LIMS1: variants seen among roughly 807,000 people sequenced by gnomAD.
LIMS1 encodes LIM and senescent cell antigen-like-containing domain protein 1.
LIMS1 carries 18 observed loss-of-function variants against 44.1 expected under a neutral mutation model. That is an observed-to-expected ratio of 0.41 (90% confidence interval 0.28 to 0.61). The LOEUF is 0.61. Among genes scored for constraint, LIMS1 ranks in the 20% least tolerant of loss-of-function variants. The probability of loss-of-function intolerance (pLI) is 0.32; values close to 1 mark genes in which losing one functional copy is unlikely to be tolerated. For missense variants in LIMS1, 201 were observed against 422.0 expected, an observed-to-expected ratio of 0.48 and a Z score of 4.59; for synonymous variants, 93 against 149.1, an observed-to-expected ratio of 0.62 and a Z score of 2.74.
chr2:108,543,459 C>T lies in LIMS1; in HGVS notation c.32+8865C>T, dbSNP rs1473590233. Among the ~76,000 whole-genome samples, 4 of 152,250 alleles carry T rather than the reference C, an allele frequency of 2.6e-5. No homozygotes were observed. The East Asian group carries it at 7.7e-4, about 29-fold the overall frequency. On this transcript the variant is annotated intron_variant, in intron 1 of 9. Transcript: ENST00000544547. Reference sequence around the variant, plus strand: ...TAACAGAAACCTACCAAGAGTTTTGCCTAGGCCTTTCCTGGGCCTTAAAGC... The same window carrying T: ...TAACAGAAACCTACCAAGAGTTTTGTCTAGGCCTTTCCTGGGCCTTAAAGC...
At chr2:108,676,859 A>G (rs904995707) in intron 7 of LIMS1, 161 bp downstream of exon 7, 8 of 740,246 alleles carry the variant, frequency 1.1e-5, no homozygotes, top group Non-Finnish European at 1.5e-5. Flanking sequence ...AGCTAACTAT[A>G]AAATATACAA....
At chr2:108,679,720 C>A (rs564349593) in intron 8 of LIMS1, among the ~76,000 whole-genome samples, 3 of 151,166 alleles carry the variant, frequency 2.0e-5, no homozygotes, top group South Asian at 2.1e-4. Flanking sequence ...AGTTCGATAC[C>A]AGCCTGGGCA....
intron 1 of LIMS1, among the ~76,000 whole-genome samples, chr2:108,545,162 CTGT>C (rs1479086020): frequency 6.6e-6 from 1 of 152,048 alleles, no homozygotes; most frequent in Non-Finnish European, 1.5e-5. Flanking sequence ...TTTGTTGTTG[CTGT>C]TGTTGAAGAA....
intron 1 of LIMS1, among the ~76,000 whole-genome samples, chr2:108,606,171 A>G (rs755840704): frequency 6.6e-6 from 1 of 152,270 alleles, no homozygotes; most frequent in Non-Finnish European, 1.5e-5. Context: ...ACCTGTGTCT[A>G]GGAGAGAACA....
In LIMS1 at chr2:108,679,722, G is replaced by C. The variant is rs190224597; in HGVS notation, c.824-973G>C. On this transcript the variant is annotated intron_variant, in intron 8 of 9. Transcript: ENST00000544547. Reference sequence around the variant, plus strand: ...TCTTGAGGCCAGGAGTTCGATACCAGCCTGGGCAACAGAGCAAGACCTCCA... The same window carrying C: ...TCTTGAGGCCAGGAGTTCGATACCACCCTGGGCAACAGAGCAAGACCTCCA... 2.0e-5 allele frequency among the ~76,000 whole-genome samples: 3 copies of C among 151,024 alleles called. No homozygotes were observed. In the East Asian group the frequency reaches 6.0e-4, roughly 30 times the overall value.
At chr2:108,673,992 T>A (rs1220847876) in intron 5 of LIMS1, 1 of 152,218 alleles carries the variant, frequency 6.6e-6, no homozygotes, top group Non-Finnish European at 1.5e-5. Flanking sequence ...TGTTGGGCTA[T>A]GAATTTTTCT....
intron 1 of LIMS1, among the ~76,000 whole-genome samples, chr2:108,548,289 GT>G (rs57214419): frequency 0.42 from 61,760 of 146,812 alleles, 14,223 homozygotes; most frequent in East Asian, 0.96. Flanking sequence ...TTTGGGTTTT[GT>G]TTTTTTTTTT....
intron 2 of LIMS1, among the ~76,000 whole-genome samples, chr2:108,661,654 C>T (rs1251112100): frequency 3.3e-5 from 5 of 152,074 alleles, no homozygotes; most frequent in South Asian, 2.1e-4. Context: ...CTAGGTGCTG[C>T]GGCAGCAAGA....
At chr2:108,645,170 A>G (rs565820452) in intron 1 of LIMS1, among the ~76,000 whole-genome samples, 1 of 152,232 alleles carries the variant, frequency 6.6e-6, no homozygotes, top group African/African-American at 2.4e-5. Flanking sequence ...TCCTTGAGAA[A>G]AGCAACGCCA....
chr2:108,588,533 C>T, intron 1 of LIMS1: 1 of 985,466 alleles, frequency 1.0e-6, no homozygotes, highest in South Asian at 4.7e-5. Flanking sequence ...CAGAACTGGG[C>T]CTGTGTGTGT....
chr2:108,560,845 T>G (rs899540674), intron 1 of LIMS1, among the ~76,000 whole-genome samples: 1 of 152,120 alleles, frequency 6.6e-6, no homozygotes, highest in Non-Finnish European at 1.5e-5. Context: ...TCAAATTAAT[T>G]TTAAAAACTC....
chr2:108,680,820 G>A lies in LIMS1; in HGVS notation c.899+50G>A, dbSNP rs772761523. The A allele has an allele frequency of 2.5e-6, 4 of 1,586,442 alleles. No individual in the cohort carries two copies. The Admixed American group carries it at 7.6e-5, about 30-fold the overall frequency. ...TGAATCCTAAGACTGAAAACTTTGGGGAGACACTTAAAAAAAATCCTAGAA... is the reference window on the plus strand; with the variant it reads ...TGAATCCTAAGACTGAAAACTTTGGAGAGACACTTAAAAAAAATCCTAGAA... On this transcript the variant is annotated intron_variant, in intron 9 of 9. Transcript: ENST00000544547.
intron 1 of LIMS1, among the ~76,000 whole-genome samples, chr2:108,557,102 G>C (rs988069954): frequency 6.6e-6 from 1 of 152,072 alleles, no homozygotes; most frequent in Non-Finnish European, 1.5e-5. Context: ...TTGACATATA[G>C]GGTCTCACTG....
intron 1 of LIMS1, among the ~76,000 whole-genome samples, chr2:108,556,162 A>G (rs928309185): frequency 1.3e-5 from 2 of 151,776 alleles, no homozygotes; most frequent in African/African-American, 2.4e-5. Context: ...GAATTTGCCT[A>G]CTCTAGGTAC....
intron 1 of LIMS1, among the ~76,000 whole-genome samples, chr2:108,635,955 G>A (rs371411261): frequency 7.2e-5 from 11 of 152,270 alleles, no homozygotes; most frequent in African/African-American, 2.6e-4. Context: ...TGCCTCTGTC[G>A]GCCTGGGTCC....
At chr2:108,667,531 C>A (rs1446828245) in intron 2 of LIMS1, among the ~76,000 whole-genome samples, 3 of 40,334 alleles carry the variant, frequency 7.4e-5, no homozygotes, top group Admixed American at 4.5e-4. Flanking sequence ...ATATTTTCAA[C>A]CTTTTTTAAA....
chr2:108,613,235 A>C (rs896633173), intron 1 of LIMS1, among the ~76,000 whole-genome samples: 13 of 152,218 alleles, frequency 8.5e-5, no homozygotes, highest in Non-Finnish European at 1.8e-4. Flanking sequence ...TGAGCTTTAC[A>C]ATACAAGCAA....
At chr2:108,635,360 A>G (rs1199462456) in intron 1 of LIMS1, among the ~76,000 whole-genome samples, 2 of 149,072 alleles carry the variant, frequency 1.3e-5, no homozygotes, top group Non-Finnish European at 1.5e-5. Context: ...CTCGGAAGGC[A>G]GAAGTGGCAG....
intron 1 of LIMS1, among the ~76,000 whole-genome samples, chr2:108,560,450 C>G (rs1415868277): frequency 2.0e-5 from 3 of 152,022 alleles, no homozygotes; most frequent in African/African-American, 7.2e-5. Context: ...CCACGTCTGT[C>G]CCCTAGGTGT....
Sources: gnomAD v4.1 joint callset for allele counts (sites outside exome capture counted in the v4.1 genomes callset) on GRCh38, gnomAD v4.1.1 for gene constraint, MANE v1.5 for transcripts, NCBI Gene and HGNC (gene_info 2026-07-23, HGNC 2026-07-21) for gene names.